Variants in OSBPL10 observed in about 807,000 individuals in gnomAD.
OSBPL10 encodes the protein oxysterol-binding protein-related protein 10.
Under a neutral mutation model 81.7 loss-of-function variants are expected in OSBPL10, and 49 were observed. That is an observed-to-expected ratio of 0.60 (90% confidence interval 0.48 to 0.76). The LOEUF is 0.76. OSBPL10 is among the 30% of genes least tolerant of loss of function. The pLI is 0.00. For missense variants in OSBPL10, 923 were observed against 987.8 expected, an observed-to-expected ratio of 0.93 and a Z score of 0.88; for synonymous variants, 419 against 383.6, an observed-to-expected ratio of 1.09 and a Z score of -1.08.
At chr3:31,662,676 A>G in intron 11 of OSBPL10, 9 of 985,648 alleles carry the variant, frequency 9.1e-6, no homozygotes, top group Non-Finnish European at 1.1e-5. Context: ...GCTGGTGTTC[A>G]GATGACTCTT....
chr3:31,779,740 G>T (rs1275371890), intron 4 of OSBPL10, among the ~76,000 whole-genome samples: 1 of 152,132 alleles, frequency 6.6e-6, no homozygotes, highest in East Asian at 1.9e-4. Flanking sequence ...CCCAACAACT[G>T]CAGAATACAC....
chr3:32,030,289 C>G, intron 2 of OSBPL10: 2 of 413,288 alleles, frequency 4.8e-6, no homozygotes, highest in Non-Finnish European at 9.3e-6. Context: ...CACGTGTATG[C>G]GAATCTATAA....
intron 2 of OSBPL10, among the ~76,000 whole-genome samples, chr3:31,992,536 C>T (rs1366162924): frequency 6.6e-6 from 1 of 152,060 alleles, no homozygotes; most frequent in Non-Finnish European, 1.5e-5. Flanking sequence ...TGGTTTTTGG[C>T]CCCTTTCAGC....
chr3:31,917,081 A>G (rs1359938255), intron 1 of OSBPL10, among the ~76,000 whole-genome samples: 1 of 152,184 alleles, frequency 6.6e-6, no homozygotes, highest in African/African-American at 2.4e-5. Context: ...CAATAATGAG[A>G]TTCCAGGAGG....
intron 2 of OSBPL10, among the ~76,000 whole-genome samples, chr3:32,036,379 A>C (rs949323073): frequency 3.8e-4 from 58 of 152,286 alleles, no homozygotes; most frequent in African/African-American, 1.3e-3. Context: ...ACAAGGAACT[A>C]TTGATTCCTC....
intron 7 of OSBPL10, among the ~76,000 whole-genome samples, chr3:31,697,984 G>A (rs1475803273): frequency 3.3e-5 from 5 of 151,874 alleles, no homozygotes; most frequent in South Asian, 4.2e-4. Context: ...GGCTGGTCTC[G>A]AACTCCTAAC....
chr3:31,727,901 A>G (rs1259196053), intron 6 of OSBPL10, among the ~76,000 whole-genome samples: 1 of 152,220 alleles, frequency 6.6e-6, no homozygotes, highest in Non-Finnish European at 1.5e-5. Context: ...TGAACATCAG[A>G]GGATTTCAGA....
At chr3:31,923,053 C>T (rs1257184222) in intron 1 of OSBPL10, among the ~76,000 whole-genome samples, 2 of 152,134 alleles carry the variant, frequency 1.3e-5, no homozygotes, top group Non-Finnish European at 2.9e-5. Flanking sequence ...GAACACTTCA[C>T]AAAGAAAGAA....
At chr3:31,687,003 C>T (rs1415978057) in intron 7 of OSBPL10, among the ~76,000 whole-genome samples, 2 of 152,184 alleles carry the variant, frequency 1.3e-5, no homozygotes, top group East Asian at 3.8e-4. Context: ...GGTGCACAAG[C>T]TGGGGAGTGT....
intron 3 of OSBPL10, among the ~76,000 whole-genome samples, chr3:31,839,459 CCCACCCA>C (rs932500757): frequency 1.5e-4 from 23 of 152,012 alleles, no homozygotes; most frequent in African/African-American, 4.6e-4. Flanking sequence ...AGAGTTCCTC[CCCACCCA>C]CCACCCCCTA....
At chr3:31,964,739 C>A (rs1698265331) in intron 1 of OSBPL10, among the ~76,000 whole-genome samples, 1 of 152,116 alleles carries the variant, frequency 6.6e-6, no homozygotes, top group South Asian at 2.1e-4. Context: ...TGCTTTCAAA[C>A]AATGAACAAA....
At chr3:32,050,058 A>G (rs923074057) in intron 1 of OSBPL10, among the ~76,000 whole-genome samples, 1 of 152,216 alleles carries the variant, frequency 6.6e-6, no homozygotes, top group Non-Finnish European at 1.5e-5. Flanking sequence ...AATCTGGTGT[A>G]ACAGCAGCAA....
chr3:32,026,077 A>AGAT (rs1249282289), intron 2 of OSBPL10, among the ~76,000 whole-genome samples: 6 of 101,092 alleles, frequency 5.9e-5, no homozygotes, highest in Admixed American at 1.2e-4. Flanking sequence ...ATAGATAGAT[A>AGAT]GATAGATAGA....
intron 2 of OSBPL10, among the ~76,000 whole-genome samples, chr3:31,995,249 A>G (rs1018523951): frequency 2.0e-5 from 3 of 152,202 alleles, no homozygotes; most frequent in African/African-American, 4.8e-5. Context: ...AGTAAGCCTG[A>G]GAGTACTGCA....
At chr3:31,942,589 T>C (rs906586191) in intron 1 of OSBPL10, among the ~76,000 whole-genome samples, 5 of 146,380 alleles carry the variant, frequency 3.4e-5, no homozygotes, top group Admixed American at 2.7e-4. Flanking sequence ...TTTTTTTAAA[T>C]CCTCCCAGAT....
Position 31,661,842 on chromosome 3 carries a change from G to A in OSBPL10, c.*230C>T, listed in dbSNP as rs1484357398. The A allele has an allele frequency of 4.1e-6, 2 of 484,526 alleles. No individual in the cohort carries two copies. The highest frequency in any genetic ancestry group is 7.1e-6 in the Non-Finnish European group (2 of 281,712). The allele number at this position is 484,526 out of a possible 1,614,324, so 30.0% of individuals were successfully genotyped here. ...AGATGTTTACATAGTGCATGTGTGTGAACGTATACGGTGTGTACACACACG... is the reference window on the plus strand; with the variant it reads ...AGATGTTTACATAGTGCATGTGTGTAAACGTATACGGTGTGTACACACACG... On this transcript the variant is annotated 3_prime_UTR_variant, in exon 12 of 12. Coordinates refer to ENST00000396556, the MANE Select transcript of OSBPL10 (RefSeq NM_017784.5).
chr3:32,049,615 C>G (rs887370059), intron 1 of OSBPL10, among the ~76,000 whole-genome samples: 1 of 152,102 alleles, frequency 6.6e-6, no homozygotes, highest in African/African-American at 2.4e-5. Context: ...CAGTAAAGTC[C>G]CCCTTGCTTA....
intron 1 of OSBPL10, among the ~76,000 whole-genome samples, chr3:31,925,234 G>A (rs1026703943): frequency 1.5e-4 from 23 of 151,944 alleles, no homozygotes; most frequent in Non-Finnish European, 3.2e-4. Flanking sequence ...TCCCTTGCCC[G>A]GGAGGTTTTA....
chr3:31,905,436 G>C (rs574401546), intron 1 of OSBPL10, among the ~76,000 whole-genome samples: 1 of 144,186 alleles, frequency 6.9e-6, no homozygotes, highest in South Asian at 2.2e-4. Context: ...TGCAACCTCC[G>C]TCTCCCGGGT....
Sources: allele counts gnomAD v4.1 joint callset (sites outside exome capture counted in the v4.1 genomes callset), GRCh38; gene constraint gnomAD v4.1.1; transcripts MANE v1.5; gene names NCBI Gene and HGNC (gene_info 2026-07-23, HGNC 2026-07-21).